The following SLC3A1 variants were observed in gnomAD, a reference collection of about 807,000 sequenced individuals.
The protein encoded by SLC3A1 is amino acid transporter heavy chain SLC3A1.
Under a neutral mutation model 60.3 loss-of-function variants are expected in SLC3A1, and 78 were observed. The ratio of observed to expected loss-of-function variants is 1.29; its 90% CI spans 1.08 to 1.56. The LOEUF is 1.56. Ranked by LOEUF, SLC3A1 falls within the 40% of genes most tolerant of loss-of-function variation. SLC3A1 has a pLI of 0.00. For synonymous variants in SLC3A1, 392 were observed against 307.9 expected (o/e 1.27, Z -2.86); for missense variants, 1,172 against 858.9 (o/e 1.36, Z -4.56).
intron 4 of SLC3A1, among the ~76,000 whole-genome samples, chr2:44,293,960 T>A (rs77082755): frequency 1.5e-4 from 1 of 6,878 alleles, no homozygotes; most frequent in Non-Finnish European, 6.4e-4. Context: ...AGGATGCTAT[T>A]TTTTTTACTG....
intron 6 of SLC3A1, chr2:44,303,702 G>A (rs1672076641): frequency 3.5e-6 from 1 of 281,852 alleles, no homozygotes; most frequent in Non-Finnish European, 7.0e-6. Flanking sequence ...TTTACATTAG[G>A]TATTTCTCCT....
At chr2:44,309,226 C>G (rs987407428) in intron 7 of SLC3A1, among the ~76,000 whole-genome samples, 16 of 152,316 alleles carry the variant, frequency 1.1e-4, no homozygotes, top group African/African-American at 3.8e-4. Flanking sequence ...ACTTCCACCA[C>G]TAACCCCTGA....
At chr2:44,306,042 C>A (rs537677864) in intron 7 of SLC3A1, among the ~76,000 whole-genome samples, 1 of 152,224 alleles carries the variant, frequency 6.6e-6, no homozygotes, top group East Asian at 1.9e-4. Context: ...CGGTGCCCAC[C>A]TCACACGGAG....
intron 8 of SLC3A1, 67 bp downstream of exon 8, chr2:44,312,820 C>G: frequency 7.3e-7 from 1 of 1,377,094 alleles, no homozygotes; most frequent in South Asian, 1.2e-5. Context: ...TTATTTTTTG[C>G]CAAATCAGAG....
At chr2:44,307,967 C>G (rs190796071) in intron 7 of SLC3A1, among the ~76,000 whole-genome samples, 55 of 152,238 alleles carry the variant, frequency 3.6e-4, no homozygotes, top group Admixed American at 3.9e-4. Flanking sequence ...ATCATGGAAT[C>G]TTTGTTGAAA....
At position 44,313,902 on chromosome 2, in the gene SLC3A1, G is replaced by A. The variant is rs771014088; in HGVS notation, c.1568G>A (p.Ser523Asn). The A allele has an allele frequency of 6.2e-7, 1 of 1,614,064 alleles. No homozygotes were observed. The highest frequency in any genetic ancestry group is 2.2e-5 in the East Asian group (1 of 44,858). Residue 523 changes from serine (S) to asparagine (N), a missense_variant, in exon 9 of 10, where the codon AGT (serine) becomes AAT (asparagine). Ser to Asn is a conservative substitution (Grantham distance 46, BLOSUM62 1). Coordinates refer to ENST00000260649, the MANE Select transcript of SLC3A1 (RefSeq NM_000341.4). ...TCAAATGCTGGTTTTTCTGAAGCTA[G>A]TAACACCTGGTTACCTACCAATTCA... ...NSSNAGFSEA[S>N]NTWLPTNSDY...
intron 1 of SLC3A1, 86 bp from the exon 2 acceptor site, chr2:44,280,630 T>G (rs1671473392): frequency 1.1e-6 from 1 of 938,958 alleles, no homozygotes. Context: ...ATGTAAATAT[T>G]TCTATCTTAG....
chr2:44,319,011 ACTT>A (rs1212533840), intron 9 of SLC3A1: 1 of 152,246 alleles, frequency 6.6e-6, no homozygotes, highest in East Asian at 1.9e-4. Flanking sequence ...CTTACCGGGC[ACTT>A]CTTATGTGAG....
chr2:44,310,294 A>G (rs1428125074), intron 7 of SLC3A1, among the ~76,000 whole-genome samples: 2 of 152,186 alleles, frequency 1.3e-5, no homozygotes, highest in African/African-American at 4.8e-5. Flanking sequence ...GAAGGTTCCA[A>G]TTTCTTTTCA....
At chr2:44,318,095 G>GT (rs11348872) in intron 9 of SLC3A1, 11,541 of 392,224 alleles carry the variant, frequency 0.029, 11 homozygotes, top group East Asian at 0.11. Flanking sequence ...TCTCAACACT[G>GT]TTTTTTTTTT....
intron 9 of SLC3A1, chr2:44,317,605 T>C (rs1209329704): frequency 6.6e-6 from 1 of 152,538 alleles, no homozygotes; most frequent in Admixed American, 6.5e-5. Context: ...TGAGAAACAT[T>C]ATTTTCAAGT....
intron 1 of SLC3A1, among the ~76,000 whole-genome samples, chr2:44,277,016 G>A (rs1384933006): frequency 6.6e-6 from 1 of 151,736 alleles, no homozygotes; most frequent in Non-Finnish European, 1.5e-5. Flanking sequence ...TCTTTAAAAT[G>A]CTACAAATGA....
At chr2:44,291,710 AG>A (rs1379022309) in intron 4 of SLC3A1, among the ~76,000 whole-genome samples, 2 of 152,238 alleles carry the variant, frequency 1.3e-5, no homozygotes, top group East Asian at 1.9e-4. Flanking sequence ...TGCAGCTCAG[AG>A]GGTTTGTGTG....
rs757181942 is a variant in SLC3A1 at position 44,275,847 on chromosome 2, C to G, written c.312C>G (p.Thr104=). Residue 104 remains threonine, a synonymous_variant, in exon 1 of 10, where the codon ACC becomes ACG. Transcript: ENST00000260649. ...CTGTGCTGGTGCTCATCGCGGCCAC[C>G]ATAGCCATCATTGCCCTCTCTCCAA... is the stretch of plus-strand genomic sequence containing the variant. The part of the protein sequence containing the change: ...VASVLVLIAA[T]IAIIALSPKC... 4.3e-6 allele frequency: 7 copies of G among 1,614,266 alleles called. No homozygotes were observed. Among genetic ancestry groups the G allele is most frequent in the Non-Finnish European group, 5.9e-6 (7 of 1,180,050 alleles).
chr2:44,306,578 G>C (rs1042449707), intron 7 of SLC3A1, among the ~76,000 whole-genome samples: 2 of 135,450 alleles, frequency 1.5e-5, no homozygotes, highest in African/African-American at 5.6e-5. Context: ...TTTTTGAGAC[G>C]GAGTTTTGCT....
intron 9 of SLC3A1, chr2:44,314,193 A>G (rs984739614): frequency 3.6e-5 from 36 of 1,011,544 alleles, no homozygotes; most frequent in East Asian, 2.9e-4. Flanking sequence ...CTTCATTGCA[A>G]TGACCTTTAC....
rs115245600 is a variant in SLC3A1 at position 44,305,711 on chromosome 2, G to C, written c.1332+1373G>C. Among the ~76,000 whole-genome samples, 601 of 152,162 alleles carry C rather than the reference G, an allele frequency of 3.9e-3. 3 individuals carry two copies. Among genetic ancestry groups the C allele is most frequent in the African/African-American group, 0.014 (564 of 41,494 alleles). ...CCAAAAGTGCTGGGATTATGGGCAT[G>C]AGCCACCACTCCTGGCCCTTCCTTT... On this transcript the variant is annotated intron_variant, in intron 7 of 9. Coordinates refer to ENST00000260649, the MANE Select transcript of SLC3A1 (RefSeq NM_000341.4).
intron 4 of SLC3A1, among the ~76,000 whole-genome samples, chr2:44,295,702 T>C (rs1296785513): frequency 6.6e-6 from 1 of 152,208 alleles, no homozygotes; most frequent in East Asian, 1.9e-4. Flanking sequence ...CAGGTCAACA[T>C]TTCACAATGC....
At chr2:44,315,653 C>CAAAAAAAAAAAA (rs70965350) in intron 9 of SLC3A1, among the ~76,000 whole-genome samples, 1 of 52,614 alleles carries the variant, frequency 1.9e-5, no homozygotes, top group Non-Finnish European at 3.3e-5. Flanking sequence ...AAGACCGCCT[C>CAAAAAAAAAAAA]AAAAAAAAAA....
Sources: allele counts gnomAD v4.1 joint callset (sites outside exome capture counted in the v4.1 genomes callset), GRCh38; gene constraint gnomAD v4.1.1; transcripts MANE v1.5; gene names NCBI Gene and HGNC (gene_info 2026-07-23, HGNC 2026-07-21).